The following CDK12 variants were observed in gnomAD, a reference collection of about 807,000 sequenced individuals.
CDK12 encodes cyclin dependent kinase 12.
Under a neutral mutation model 133.8 loss-of-function variants are expected in CDK12, and 17 were observed. The observed-to-expected ratio is 0.13, with a 90% CI of 0.09 to 0.19. CDK12 has a LOEUF of 0.19. CDK12 is among the 10% of genes least tolerant of loss of function. The pLI is 1.00. For synonymous variants in CDK12, 694 were observed against 683.6 expected (o/e 1.02, Z -0.24); for missense variants, 1,508 against 1,818.7 (o/e 0.83, Z 3.11).
chr17:39,508,964 C>T (rs1261965506), intron 6 of CDK12, among the ~76,000 whole-genome samples: 1 of 146,202 alleles, frequency 6.8e-6, no homozygotes, highest in Non-Finnish European at 1.5e-5. Context: ...CACCATTGCA[C>T]TCCAGCCTAG....
chr17:39,560,438 G>A (rs749766052), intron 3 of CDK12, among the ~76,000 whole-genome samples: 2 of 152,140 alleles, frequency 1.3e-5, no homozygotes, highest in African/African-American at 2.4e-5. Context: ...ATTGGGCATG[G>A]CACTACTATT....
rs17604809 is a variant in CDK12 at position 39,555,348 on chromosome 17, C to G, written n.357-938C>G. ...AGGGTTCTGTGACAGAGCCTGAGTT[C>G]TCATTTGCCTATTTCTGTTCTTTCA... On this transcript the variant is annotated intron_variant and non_coding_transcript_variant, in intron 2 of 3. Transcript: ENST00000558240. Among the ~76,000 whole-genome samples, 1,426 of 152,082 alleles carry G rather than the reference C, an allele frequency of 9.4e-3. 9 individuals carry two copies. The highest frequency in any genetic ancestry group is 0.016 in the Non-Finnish European group (1,079 of 68,006).
chr17:39,474,039 A>C (rs898957429), intron 2 of CDK12, among the ~76,000 whole-genome samples: 2 of 152,184 alleles, frequency 1.3e-5, no homozygotes, highest in Non-Finnish European at 2.9e-5. Context: ...CCTGGGTGAC[A>C]GAGCGAAACT....
chr17:39,542,198 T>C (rs2055455640), intron 1 of CDK12, among the ~76,000 whole-genome samples: 1 of 152,042 alleles, frequency 6.6e-6, no homozygotes, highest in African/African-American at 2.4e-5. Context: ...ATCTTTTTTT[T>C]TTTTTGAGAC....
chr17:39,503,925 A>G (rs1232880389), intron 6 of CDK12, among the ~76,000 whole-genome samples: 1 of 152,186 alleles, frequency 6.6e-6, no homozygotes, highest in African/African-American at 2.4e-5. Context: ...TCTGTTTTGG[A>G]AAGGTCACCA....
rs1402006159 is a variant in CDK12 at position 39,489,105 on chromosome 17, G to A, written c.1932-1452G>A. The stretch of plus-strand genomic sequence containing the variant: ...TTTTTTTTTTTTTTTTTTCGAGATG[G>A]AGTCTCACTCTGTCTCTCCGGCTGG... On this transcript the variant is annotated intron_variant, in intron 2 of 13. Transcript: ENST00000447079. Among the ~76,000 whole-genome samples, 4 of 147,118 alleles carry A rather than the reference G, an allele frequency of 2.7e-5. No homozygotes were observed. In the Admixed American group the frequency reaches 2.7e-4, roughly 10 times the overall value.
At chr17:39,477,572 TTA>T (rs2050311026) in intron 2 of CDK12, among the ~76,000 whole-genome samples, 2 of 145,748 alleles carry the variant, frequency 1.4e-5, no homozygotes, top group African/African-American at 5.2e-5. Context: ...TATTTATTAT[TTA>T]TTTTTTTTTT....
intron 3 of CDK12, among the ~76,000 whole-genome samples, chr17:39,560,371 A>G (rs2056331379): frequency 6.6e-6 from 1 of 152,246 alleles, no homozygotes; most frequent in Non-Finnish European, 1.5e-5. Context: ...AATGAATGAA[A>G]TAGCTCATTT....
intron 3 of CDK12, among the ~76,000 whole-genome samples, chr17:39,560,934 C>T (rs2056350001): frequency 6.6e-6 from 1 of 152,084 alleles, no homozygotes; most frequent in Admixed American, 6.5e-5. Flanking sequence ...AGAATCGCCT[C>T]CACCAGGGGG....
rs2144846633 is a variant in CDK12 at position 39,462,109 on chromosome 17, G to A, written c.38G>A (p.Gly13Glu). 2 of 1,614,120 alleles carry A rather than the reference G, an allele frequency of 1.2e-6. No individual in the cohort carries two copies. The highest frequency in any genetic ancestry group is 1.7e-6 in the Non-Finnish European group (2 of 1,179,972). ...NSERHGGKKD[G>E]SGGASGTLQP... ...GAGAGACATGGGGGCAAGAAGGACG[G>A]GAGTGGAGGAGCTTCTGGAACTTTG... Residue 13 changes from glycine (G) to glutamate (E), a missense_variant, in exon 1 of 14, where the codon GGG becomes GAG. Around this residue, in one of 9 missense-constraint regions of CDK12, gnomAD observed 460 missense variants for 490.8 expected, o/e 0.94. Coordinates refer to ENST00000447079, the MANE Select transcript of CDK12 (RefSeq NM_016507.4).
chr17:39,546,164 T>A (rs979813675), upstream of CDK12: 2 of 151,658 alleles, frequency 1.3e-5, no homozygotes, highest in Non-Finnish European at 2.9e-5. Flanking sequence ...ATGCCAATCT[T>A]CTCTGTATCA....
chr17:39,488,098 G>A (rs971905782), intron 2 of CDK12, among the ~76,000 whole-genome samples: 1 of 152,086 alleles, frequency 6.6e-6, no homozygotes, highest in Non-Finnish European at 1.5e-5. Context: ...AGCTGGGTGT[G>A]TTGGTGTGTG....
intron 5 of CDK12, among the ~76,000 whole-genome samples, chr17:39,496,145 C>T (rs2052093723): frequency 6.6e-6 from 1 of 152,076 alleles, no homozygotes; most frequent in African/African-American, 2.4e-5. Flanking sequence ...CTCCTGACCT[C>T]AGGCAGTCAT....
chr17:39,471,126 A>G lies in CDK12; in HGVS notation c.1294A>G (p.Asn432Asp). 4.4e-6 allele frequency: 7 copies of G among 1,606,638 alleles called. No homozygotes were observed. Among genetic ancestry groups the G allele is most frequent in the Non-Finnish European group, 5.9e-6 (7 of 1,177,728 alleles). ...GSPVFLPRKE[N>D]SSVEAKDSGL... Reference sequence around the variant, plus strand: ...ACCTGTATTTTTGCCTAGAAAAGAGAACAGTTCAGTAGAGGCTAAGGATTC... The same window carrying G: ...ACCTGTATTTTTGCCTAGAAAAGAGGACAGTTCAGTAGAGGCTAAGGATTC... Residue 432 changes from asparagine to aspartate, a missense_variant, in exon 2 of 14, where the codon AAC (asparagine) becomes GAC (aspartate). This residue lies in a region of CDK12 where 347 missense variants were observed against 330.8 expected (regional missense o/e 1.05). Coordinates refer to ENST00000447079, the MANE Select transcript of CDK12 (RefSeq NM_016507.4).
intron 7 of CDK12, 62 bp downstream of exon 7, chr17:39,509,823 G>T: frequency 1.5e-6 from 2 of 1,291,748 alleles, no homozygotes; most frequent in Non-Finnish European, 2.3e-6. Context: ...TTTTTTTGAG[G>T]CAGGATCTTA....
intron 8 of CDK12, among the ~76,000 whole-genome samples, chr17:39,514,666 A>G (rs916487068): frequency 1.3e-5 from 2 of 152,188 alleles, no homozygotes; most frequent in African/African-American, 2.4e-5. Context: ...AATAATTTCA[A>G]TGTATGGAAA....
rs777164311 is a variant in CDK12 at position 39,492,812 on chromosome 17, G to A, written c.2170G>A (p.Val724Met). ...AGAAAGCGACTGGGGGAAACGCTGT[G>A]TGGACAAGTTTGACATTATTGGGAT... ...QTESDWGKRC[V>M]DKFDIIGIIG... Residue 724 changes from valine (V) to methionine (M), a missense_variant, in exon 4 of 14, where the codon GTG (valine) becomes ATG (methionine). Val to Met is a conservative substitution (Grantham distance 21, BLOSUM62 1). Around this residue, in one of 9 missense-constraint regions of CDK12, gnomAD observed 74 missense variants for 160.2 expected, o/e 0.46. Coordinates refer to ENST00000447079, the MANE Select transcript of CDK12 (RefSeq NM_016507.4). 4 of 1,613,506 alleles carry A rather than the reference G, an allele frequency of 2.5e-6. No individual in the cohort carries two copies. The Admixed American group carries it at 6.7e-5, about 27-fold the overall frequency.
intron 2 of CDK12, among the ~76,000 whole-genome samples, chr17:39,473,327 A>G (rs567777907): frequency 2.2e-4 from 33 of 152,342 alleles, no homozygotes; most frequent in African/African-American, 7.9e-4. Flanking sequence ...GTATTTGCTA[A>G]TTAGAATATA....
chr17:39,511,401 G>T, intron 7 of CDK12, 128 bp from the exon 8 acceptor site: 1 of 606,768 alleles, frequency 1.6e-6, no homozygotes, highest in South Asian at 2.2e-5. Flanking sequence ...TGGAGTGTTA[G>T]GTTGCTCTGG....
Sources: gnomAD v4.1 joint callset for allele counts (sites outside exome capture counted in the v4.1 genomes callset) on GRCh38, gnomAD v4.1.1 for gene constraint, gnomAD v4.1.1 regional missense constraint, MANE v1.5 for transcripts, NCBI Gene and HGNC (gene_info 2026-07-23, HGNC 2026-07-21) for gene names.